The following TECPR1 variants were observed in gnomAD, a reference collection of about 807,000 sequenced individuals.
TECPR1 encodes tectonin beta-propeller repeat containing 1, also known as tectonin beta-propeller repeat-containing protein 1.
A neutral mutation model predicts 162.4 loss-of-function variants in TECPR1; 122 were observed. The observed-to-expected ratio is 0.75, with a 90% CI of 0.65 to 0.87. The LOEUF is 0.87. Among genes scored for constraint, TECPR1 ranks in the 40% least tolerant of loss-of-function variants. The pLI, the probability that TECPR1 is intolerant of heterozygous loss-of-function variation, is 0.00. For missense variants in TECPR1, 1,432 were observed against 1,618.2 expected, an observed-to-expected ratio of 0.88 and a Z score of 1.97; for synonymous variants, 642 against 670.6, an observed-to-expected ratio of 0.96 and a Z score of 0.66.
intron 13 of TECPR1, 30 bp from the exon 14 acceptor site, chr7:98,231,403 T>C (rs1382469019): frequency 3.8e-6 from 6 of 1,568,200 alleles, no homozygotes; most frequent in East Asian, 4.7e-5. Flanking sequence ...CCGGCAGGGC[T>C]GTCACCCAGG....
intron 15 of TECPR1, among the ~76,000 whole-genome samples, chr7:98,229,437 C>G (rs2116563869): frequency 6.6e-6 from 1 of 152,336 alleles, no homozygotes; most frequent in South Asian, 2.1e-4. Context: ...CCACCCACTT[C>G]AGCCCCATGG....
intron 8 of TECPR1, 44 bp downstream of exon 8, chr7:98,240,807 A>G (rs1798723573): frequency 6.6e-7 from 1 of 1,513,470 alleles, no homozygotes; most frequent in African/African-American, 1.4e-5. Context: ...TGCAGTCTCC[A>G]ACTCCTGGGC....
At chr7:98,234,489 G>A (rs1038527880) in intron 10 of TECPR1, among the ~76,000 whole-genome samples, 1 of 152,034 alleles carries the variant, frequency 6.6e-6, no homozygotes, top group East Asian at 1.9e-4. Context: ...CCAGCTTCAG[G>A]ATTCCCTTAT....
chr7:98,244,510 C>T, intron 5 of TECPR1, 61 bp downstream of exon 5: 1 of 1,536,768 alleles, frequency 6.5e-7, no homozygotes, highest in South Asian at 1.2e-5. Flanking sequence ...GGAGAGGAGG[C>T]TGCATGTGAC....
intron 2 of TECPR1, among the ~76,000 whole-genome samples, chr7:98,249,626 C>T (rs1055147499): frequency 6.6e-6 from 1 of 152,152 alleles, no homozygotes; most frequent in Non-Finnish European, 1.5e-5. Flanking sequence ...GCTAACTAAC[C>T]TCTCTGTGCC....
intron 8 of TECPR1, among the ~76,000 whole-genome samples, chr7:98,240,351 C>T (rs564022742): frequency 1.3e-5 from 2 of 152,234 alleles, no homozygotes; most frequent in South Asian, 2.1e-4. Flanking sequence ...CGGCACAAAA[C>T]GTCCTGGAGA....
intron 23 of TECPR1, among the ~76,000 whole-genome samples, chr7:98,221,186 C>T (rs1798130832): frequency 6.6e-6 from 1 of 152,026 alleles, no homozygotes; most frequent in Admixed American, 6.6e-5. Flanking sequence ...TCTGTAATCC[C>T]AGCTACTTGG....
intron 10 of TECPR1, among the ~76,000 whole-genome samples, chr7:98,235,525 A>AC (rs1798572702): frequency 6.8e-6 from 1 of 146,564 alleles, no homozygotes; most frequent in Non-Finnish European, 1.5e-5. Context: ...ACTCCGTCTA[A>AC]AAAAAAAAAA....
At chr7:98,236,323 A>C (rs957077071) in intron 10 of TECPR1, among the ~76,000 whole-genome samples, 1 of 152,186 alleles carries the variant, frequency 6.6e-6, no homozygotes, top group Non-Finnish European at 1.5e-5. Context: ...CCGATGCCTG[A>C]GTCTGAGACC....
chr7:98,237,335 C>A (rs147766131), intron 9 of TECPR1, among the ~76,000 whole-genome samples: 1 of 152,264 alleles, frequency 6.6e-6, no homozygotes, highest in African/African-American at 2.4e-5. Flanking sequence ...GCTCTGTCAC[C>A]CAGGCTGGAG....
At chr7:98,231,417 G>A in intron 13 of TECPR1, 44 bp from the exon 14 acceptor site, 2 of 1,544,326 alleles carry the variant, frequency 1.3e-6, no homozygotes, top group Non-Finnish European at 1.7e-6. Context: ...ACCCAGGGCA[G>A]GAGGCCTCTG....
intron 23 of TECPR1, among the ~76,000 whole-genome samples, chr7:98,219,730 C>T (rs1415212506): frequency 2.0e-5 from 3 of 151,724 alleles, no homozygotes; most frequent in Non-Finnish European, 4.4e-5. Flanking sequence ...AGAGAAACCC[C>T]ATCTCTACTA....
chr7:98,235,149 C>T (rs76545317), intron 10 of TECPR1, among the ~76,000 whole-genome samples: 4 of 152,288 alleles, frequency 2.6e-5, no homozygotes, highest in South Asian at 2.1e-4. Flanking sequence ...AAGAAGCTAT[C>T]GCTAACCTCA....
chr7:98,223,592 A>G, intron 20 of TECPR1, 70 bp downstream of exon 20: 1 of 1,548,142 alleles, frequency 6.5e-7, no homozygotes, highest in South Asian at 1.1e-5. Flanking sequence ...GGTGCAGGGA[A>G]CCAGAGCTCC....
Position 98,240,842 on chromosome 7 carries a change from C to G in TECPR1, c.933+9G>C, listed in dbSNP as rs778086834. On this transcript the variant is annotated intron_variant, in intron 8 of 25. Coordinates refer to ENST00000447648, the MANE Select transcript of TECPR1 (RefSeq NM_015395.3). ...CTCAAGTGATCCCCCAGCCTCATCC[C>G]CATCTTACCTTCCAGTCCTTGGTGA... 2 of 1,592,492 alleles carry G rather than the reference C, an allele frequency of 1.3e-6. No homozygotes were observed. The highest frequency in any genetic ancestry group is 8.5e-7 in the Non-Finnish European group (1 of 1,172,676).
chr7:98,231,970 CG>C lies in TECPR1; in HGVS notation c.1819-12del. 4 of 1,595,414 alleles carry C rather than the reference CG, an allele frequency of 2.5e-6. No individual in the cohort carries two copies. Among genetic ancestry groups the C allele is most frequent in the South Asian group, 1.1e-5 (1 of 90,502 alleles). On this transcript the variant is annotated splice_polypyrimidine_tract_variant and intron_variant, in intron 12 of 25. Transcript: ENST00000447648. ...CTTCACCCACACCGACTGCGCAGGCCGGGGCAGTGGACACCATCACAGGCAG... is the reference window on the plus strand; with the variant it reads ...CTTCACCCACACCGACTGCGCAGGCCGGGCAGTGGACACCATCACAGGCAG...
Position 98,217,551 on chromosome 7 carries a change from C to G in TECPR1, c.3385-48G>C, listed in dbSNP as rs752933086. 3.7e-5 allele frequency: 53 copies of G among 1,437,588 alleles called. 1 individual carries two copies. The highest frequency in any genetic ancestry group is 4.9e-5 in the Non-Finnish European group (51 of 1,050,186). The allele number at this position is 1,437,588 out of a possible 1,614,324, so 89.1% of individuals were successfully genotyped here. ...CCAGGGGACTCGGGGACTCGAGGAT[C>G]CTGGAGGGGATCTGCCTGGGGGCCT... On this transcript the variant is annotated intron_variant, in intron 25 of 25. Coordinates refer to ENST00000447648, the MANE Select transcript of TECPR1 (RefSeq NM_015395.3).
chr7:98,248,874 C>A, intron 2 of TECPR1, among the ~76,000 whole-genome samples: 1 of 150,402 alleles, frequency 6.6e-6, no homozygotes, highest in Non-Finnish European at 1.5e-5. Flanking sequence ...AAACTAGGCT[C>A]TTTGGGGACA....
intron 8 of TECPR1, among the ~76,000 whole-genome samples, chr7:98,240,066 G>A (rs1274979293): frequency 3.9e-5 from 6 of 151,922 alleles, no homozygotes; most frequent in Admixed American, 2.0e-4. Context: ...CAGAGATTGC[G>A]CCACTGCACT....
Sources: gnomAD v4.1 joint callset for allele counts (sites outside exome capture counted in the v4.1 genomes callset) on GRCh38, gnomAD v4.1.1 for gene constraint, MANE v1.5 for transcripts, NCBI Gene and HGNC (gene_info 2026-07-23, HGNC 2026-07-21) for gene names.